The following MACROD2 variants were observed in gnomAD, a reference collection of about 807,000 sequenced individuals.
MACROD2 encodes the protein mono-ADP ribosylhydrolase 2.
MACROD2 carries 36 observed loss-of-function variants against 70.4 expected under a neutral mutation model. That is an observed-to-expected ratio of 0.51 (90% CI 0.39 to 0.68). The LOEUF (loss-of-function observed/expected upper bound fraction) is 0.68. MACROD2 is among the 30% of genes least tolerant of loss of function. MACROD2 has a pLI of 0.00. For missense variants in MACROD2, 496 were observed against 538.4 expected (o/e 0.92, Z 0.78); for synonymous variants, 172 against 178.8 (o/e 0.96, Z 0.30).
chr20:14,917,061 C>G (rs1200132230), intron 5 of MACROD2, among the ~76,000 whole-genome samples: 4 of 151,702 alleles, frequency 2.6e-5, no homozygotes, highest in African/African-American at 4.8e-5. Context: ...ATGCCTGCCC[C>G]TTTTCTTCCT....
intron 8 of MACROD2, among the ~76,000 whole-genome samples, chr20:15,855,547 A>G (rs2064347494): frequency 6.6e-6 from 1 of 152,168 alleles, no homozygotes; most frequent in African/African-American, 2.4e-5. Context: ...ATTGAAGTAT[A>G]ACATACAGAA....
intron 6 of MACROD2, among the ~76,000 whole-genome samples, chr20:15,407,344 AC>A (rs1280874119): frequency 1.3e-5 from 2 of 152,040 alleles, no homozygotes; most frequent in Non-Finnish European, 2.9e-5. Flanking sequence ...TCCTCAGAGC[AC>A]CCCCAACAGG....
intron 13 of MACROD2, among the ~76,000 whole-genome samples, chr20:15,985,125 G>A (rs749013701): frequency 1.1e-4 from 16 of 152,116 alleles, no homozygotes; most frequent in African/African-American, 3.1e-4. Context: ...CAGTAACACC[G>A]TAATCTCCTT....
chr20:14,382,060 A>ATTT (rs11475740), intron 3 of MACROD2, among the ~76,000 whole-genome samples: 1,585 of 122,466 alleles, frequency 0.013, 52 homozygotes, highest in African/African-American at 0.046. Context: ...AATGGGATTG[A>ATTT]TTTTTTTTTT....
chr20:15,159,969 C>T (rs958303495), intron 5 of MACROD2, among the ~76,000 whole-genome samples: 1 of 151,902 alleles, frequency 6.6e-6, no homozygotes, highest in Non-Finnish European at 1.5e-5. Context: ...ATGAGAACTG[C>T]TTAGAGTGTT....
chr20:14,373,819 G>T (rs2083348106), intron 3 of MACROD2, among the ~76,000 whole-genome samples: 1 of 151,326 alleles, frequency 6.6e-6, no homozygotes, highest in Admixed American at 6.6e-5. Context: ...TGTTACACTA[G>T]CTCTACATTT....
intron 3 of MACROD2, among the ~76,000 whole-genome samples, chr20:14,262,807 G>A (rs1012972975): frequency 3.3e-5 from 5 of 152,272 alleles, no homozygotes; most frequent in African/African-American, 1.2e-4. Flanking sequence ...GCAATTAAGA[G>A]GATATTTATA....
intron 4 of MACROD2, among the ~76,000 whole-genome samples, chr20:14,653,475 C>T (rs560823462): frequency 1.3e-5 from 2 of 152,010 alleles, no homozygotes; most frequent in South Asian, 4.2e-4. Flanking sequence ...GCCTCGGCCT[C>T]CCAAAGTGCT....
At chr20:14,327,292 T>C in intron 3 of MACROD2, 1 of 1,613,840 alleles carries the variant, frequency 6.2e-7, no homozygotes, top group South Asian at 1.1e-5. Context: ...AATCCCAGCA[T>C]TATTTATTTG....
At chr20:15,666,255 C>T (rs529358614) in intron 8 of MACROD2, among the ~76,000 whole-genome samples, 1 of 152,278 alleles carries the variant, frequency 6.6e-6, no homozygotes, top group South Asian at 2.1e-4. Context: ...AGAAAAACAT[C>T]TCCCAACCCT....
At chr20:15,860,285 T>C (rs2064407755) in intron 8 of MACROD2, among the ~76,000 whole-genome samples, 1 of 152,230 alleles carries the variant, frequency 6.6e-6, no homozygotes, top group South Asian at 2.1e-4. Context: ...TAATTTATAT[T>C]AAATGATTTT....
At chr20:14,147,923 A>T (rs2054963682) in intron 3 of MACROD2, among the ~76,000 whole-genome samples, 1 of 152,036 alleles carries the variant, frequency 6.6e-6, no homozygotes, top group Admixed American at 6.5e-5. Context: ...AAAAAAAGTG[A>T]CTTTATGTAT....
In MACROD2 at chr20:15,556,385, T is replaced by G. The variant is rs1261643633; in HGVS notation, c.645+56538T>G. ...TCTTGATTTATACTAAGACATCTGGTTTTTTTTTTCCCAAAATCTTTGCTT... is the reference window on the plus strand; with the variant it reads ...TCTTGATTTATACTAAGACATCTGGGTTTTTTTTTCCCAAAATCTTTGCTT... On this transcript the variant is annotated intron_variant, in intron 8 of 17. Coordinates refer to ENST00000684519, the MANE Select transcript of MACROD2 (RefSeq NM_001351661.2). Among the ~76,000 whole-genome samples the G allele has an allele frequency of 3.4e-5, 5 of 148,344 alleles. No homozygotes were observed. In the South Asian group the frequency reaches 1.1e-3, roughly 32 times the overall value.
chr20:14,792,041 G>T (rs1030836936), intron 5 of MACROD2, among the ~76,000 whole-genome samples: 6 of 151,340 alleles, frequency 4.0e-5, no homozygotes, highest in African/African-American at 1.5e-4. Context: ...ATAATGTTTA[G>T]AATTAATGTA....
At chr20:15,667,359 T>C (rs2049913605) in intron 8 of MACROD2, among the ~76,000 whole-genome samples, 1 of 152,300 alleles carries the variant, frequency 6.6e-6, no homozygotes, top group African/African-American at 2.4e-5. Context: ...GCTGCTAGGC[T>C]TCCTATACAG....
chr20:14,148,219 G>A (rs2054967587), intron 3 of MACROD2, among the ~76,000 whole-genome samples: 1 of 152,186 alleles, frequency 6.6e-6, no homozygotes, highest in Non-Finnish European at 1.5e-5. Context: ...GTTTATATGT[G>A]TGGTCTGTAG....
intron 3 of MACROD2, among the ~76,000 whole-genome samples, chr20:14,423,569 G>C (rs1485629845): frequency 6.6e-6 from 1 of 150,868 alleles, no homozygotes; most frequent in Admixed American, 6.6e-5. Context: ...GCATGGTGGC[G>C]GGCCCCTGTA....
chr20:15,435,427 A>G (rs1368069793), intron 7 of MACROD2, among the ~76,000 whole-genome samples: 1 of 152,170 alleles, frequency 6.6e-6, no homozygotes, highest in Non-Finnish European at 1.5e-5. Context: ...ATCATATTAT[A>G]TGGACATGTT....
At position 14,251,272 on chromosome 20, in the gene MACROD2, C is replaced by T. The variant is rs936807621; in HGVS notation, c.271+165544C>T. Among the ~76,000 whole-genome samples the T allele has an allele frequency of 4.6e-5, 7 of 151,938 alleles. No homozygotes were observed. The East Asian group carries it at 1.3e-3, about 29-fold the overall frequency. On this transcript the variant is annotated intron_variant, in intron 3 of 17. Transcript: ENST00000684519. ...TCCTCTTTTTCTCTTGGAAAACGTT[C>T]GATAAAAGTACTTTAAGAAAGAAAC... is the stretch of plus-strand genomic sequence containing the variant.
Sources: gnomAD v4.1 joint callset for allele counts (sites outside exome capture counted in the v4.1 genomes callset) on GRCh38, gnomAD v4.1.1 for gene constraint, MANE v1.5 for transcripts, NCBI Gene and HGNC (gene_info 2026-07-23, HGNC 2026-07-21) for gene names.